Variants in GSE1 observed in about 807,000 individuals in gnomAD.
GSE1 encodes the protein Gse1 coiled-coil protein.
In GSE1, 32 loss-of-function variants were observed where a neutral mutation model predicts 112.6. That is an observed-to-expected ratio of 0.28 (90% CI 0.21 to 0.38). The LOEUF is 0.38. Ranked by LOEUF, GSE1 falls within the 10% of genes least tolerant of loss-of-function variation. The pLI, the probability that GSE1 is intolerant of heterozygous loss-of-function variation, is 1.00. For synonymous variants in GSE1, 1,115 were observed against 735.6 expected, an observed-to-expected ratio of 1.52 and a Z score of -8.35; for missense variants, 2,348 against 1,699.2, an observed-to-expected ratio of 1.38 and a Z score of -6.71.
chr16:85,203,797 G>A (rs1412190992), intron 1 of GSE1, among the ~76,000 whole-genome samples: 1 of 152,170 alleles, frequency 6.6e-6, no homozygotes, highest in Admixed American at 6.5e-5. Context: ...GTGTGCAGTG[G>A]TGTGATCTCA....
At chr16:85,490,753 A>G (rs1221889563) in intron 2 of GSE1, 1 of 152,244 alleles carries the variant, frequency 6.6e-6, no homozygotes, top group Admixed American at 6.5e-5. Context: ...TTTGTGCAGC[A>G]GTAGCGTGGG....
At chr16:85,391,215 T>C (rs946928991) in intron 2 of GSE1, among the ~76,000 whole-genome samples, 1 of 152,244 alleles carries the variant, frequency 6.6e-6, no homozygotes, top group African/African-American at 2.4e-5. Context: ...GGCACAGAGC[T>C]GTGACATTCC....
rs189136281 is a variant in GSE1 at position 85,628,941 on chromosome 16, G to C, written c.8-4973G>C. Reference sequence around the variant, plus strand: ...GGAAATGTGTCCTCCAGTTTTGGAGGTGGGGCCCAGTGGCAGTGATTGGAT... The same window carrying C: ...GGAAATGTGTCCTCCAGTTTTGGAGCTGGGGCCCAGTGGCAGTGATTGGAT... On this transcript the variant is annotated intron_variant, in intron 1 of 15. Transcript: ENST00000253458. Among the ~76,000 whole-genome samples, 11 of 152,308 alleles carry C rather than the reference G, an allele frequency of 7.2e-5. No individual in the cohort carries two copies. In the East Asian group the frequency reaches 1.7e-3, roughly 24 times the overall value.
intron 2 of GSE1, among the ~76,000 whole-genome samples, chr16:85,472,656 C>A (rs143951483): frequency 5.4e-4 from 82 of 152,360 alleles, no homozygotes; most frequent in African/African-American, 1.7e-3. Context: ...GGTCTGGCCT[C>A]CCCCTGTTGG....
At chr16:85,253,658 A>T (rs187667108) in intron 1 of GSE1, among the ~76,000 whole-genome samples, 1 of 152,330 alleles carries the variant, frequency 6.6e-6, no homozygotes, top group African/African-American at 2.4e-5. Context: ...CAGAGGAAGG[A>T]CATCCCGCCC....
intron 2 of GSE1, among the ~76,000 whole-genome samples, chr16:85,645,023 C>T (rs1293408562): frequency 6.6e-6 from 1 of 151,830 alleles, no homozygotes; most frequent in African/African-American, 2.4e-5. Flanking sequence ...TCTCCTGTCC[C>T]CACCCTCTGC....
At chr16:85,635,878 G>T (rs1438900116) in intron 2 of GSE1, among the ~76,000 whole-genome samples, 1 of 152,222 alleles carries the variant, frequency 6.6e-6, no homozygotes, top group Non-Finnish European at 1.5e-5. Flanking sequence ...TGGTAGAGAG[G>T]TGTTCAGACT....
At chr16:85,375,250 G>T (rs1597524640) in intron 2 of GSE1, among the ~76,000 whole-genome samples, 3 of 152,304 alleles carry the variant, frequency 2.0e-5, no homozygotes, top group African/African-American at 7.2e-5. Flanking sequence ...CTGGATCCCA[G>T]TGTCACCTCC....
At chr16:85,355,241 AAC>A (rs1275370995) in intron 1 of GSE1, among the ~76,000 whole-genome samples, 166 of 148,192 alleles carry the variant, frequency 1.1e-3, no homozygotes, top group African/African-American at 4.1e-3. Flanking sequence ...AAAAACAAAA[AAC>A]CGGATCAACA....
chr16:85,527,821 G>A (rs911201287), intron 2 of GSE1, among the ~76,000 whole-genome samples: 3 of 152,254 alleles, frequency 2.0e-5, no homozygotes, highest in African/African-American at 7.2e-5. Flanking sequence ...TCGAAGGAGG[G>A]GGATTAACTG....
intron 14 of GSE1, 23 bp from the exon 15 acceptor site, chr16:85,670,972 A>G (rs749591752): frequency 2.0e-6 from 3 of 1,470,268 alleles, no homozygotes; most frequent in African/African-American, 2.8e-5. Context: ...CGGAAAATAC[A>G]TCACCATCTC....
intron 1 of GSE1, among the ~76,000 whole-genome samples, chr16:85,267,200 C>T (rs1225110975): frequency 6.6e-6 from 1 of 152,168 alleles, no homozygotes; most frequent in Non-Finnish European, 1.5e-5. Context: ...TCCCGCCCCT[C>T]GCCTGAGGCC....
intron 2 of GSE1, among the ~76,000 whole-genome samples, chr16:85,521,947 C>G (rs745690463): frequency 6.6e-6 from 1 of 152,206 alleles, no homozygotes; most frequent in African/African-American, 2.4e-5. Flanking sequence ...AGCTGGGCCC[C>G]GCTCACAGAA....
chr16:85,613,015 G>GCCCCGCTGGTGT, upstream of GSE1: 1 of 290,574 alleles, frequency 3.4e-6, no homozygotes, highest in South Asian at 6.2e-5. Flanking sequence ...CACCTCCGCG[G>GCCCCGCTGGTGT]CCCCGCTGGT....
At chr16:85,667,477 C>T (rs1040775296) in intron 13 of GSE1, among the ~76,000 whole-genome samples, 1 of 152,204 alleles carries the variant, frequency 6.6e-6, no homozygotes, top group Non-Finnish European at 1.5e-5. Context: ...GAGGGCAGAG[C>T]CCCATTATGC....
chr16:85,375,300 C>A (rs1366905927), intron 2 of GSE1, among the ~76,000 whole-genome samples: 1 of 152,056 alleles, frequency 6.6e-6, no homozygotes, highest in Non-Finnish European at 1.5e-5. Flanking sequence ...AGAGCCCATG[C>A]CTTGGCCCTG....
At chr16:85,552,328 CTTTTTTTT>C (rs1195413161), upstream of GSE1, among the ~76,000 whole-genome samples, 1 of 47,746 alleles carries the variant, frequency 2.1e-5, no homozygotes, top group African/African-American at 6.4e-5. Context: ...CCCGCCCCTC[CTTTTTTTT>C]TTTTTTTTTT....
At chr16:85,320,506 G>C (rs2046083553) in intron 1 of GSE1, among the ~76,000 whole-genome samples, 1 of 151,794 alleles carries the variant, frequency 6.6e-6, no homozygotes, top group African/African-American at 2.4e-5. Flanking sequence ...TGTTGCCCAG[G>C]CTAGTCTCAA....
rs577480303 is a variant in GSE1 at position 85,486,046 on chromosome 16, C to A, written c.2464+128403C>A. 2.0e-5 allele frequency among the ~76,000 whole-genome samples: 3 copies of A among 152,306 alleles called. No individual in the cohort carries two copies. The East Asian group carries it at 5.8e-4, about 29-fold the overall frequency. ...CATTCTACAGATGGGGACGTAACGG[C>A]AGCTCAGTGCAGTGAGGGTGCCCAC... is the stretch of plus-strand genomic sequence containing the variant. On this transcript the variant is annotated intron_variant, in intron 2 of 2. Transcript: ENST00000637419.
Sources: gnomAD v4.1 joint callset for allele counts (sites outside exome capture counted in the v4.1 genomes callset) on GRCh38, gnomAD v4.1.1 for gene constraint, MANE v1.5 for transcripts, NCBI Gene and HGNC (gene_info 2026-07-23, HGNC 2026-07-21) for gene names.